Variants in SEMA5A observed in about 807,000 individuals in gnomAD.
SEMA5A encodes semaphorin 5A, also known as semaphorin-5A.
In SEMA5A, 55 loss-of-function variants were observed where a neutral mutation model predicts 135.5. That is an observed-to-expected ratio of 0.41 (90% CI 0.33 to 0.51). The LOEUF is 0.51. Ranked by LOEUF, SEMA5A falls within the 20% of genes least tolerant of loss-of-function variation. The pLI, the probability that SEMA5A is intolerant of heterozygous loss-of-function variation, is 0.37. For missense variants in SEMA5A, 1,290 were observed against 1,419.9 expected, an observed-to-expected ratio of 0.91 and a Z score of 1.47; for synonymous variants, 580 against 546.5, an observed-to-expected ratio of 1.06 and a Z score of -0.85.
intron 5 of SEMA5A, among the ~76,000 whole-genome samples, chr5:9,303,700 C>A (rs1026685217): frequency 6.6e-6 from 1 of 152,046 alleles, no homozygotes; most frequent in African/African-American, 2.4e-5. Context: ...ACAGAAGCAT[C>A]AATTTTATCC....
At position 9,170,007 on chromosome 5, in the gene SEMA5A, G is replaced by C. The variant is rs570971409; in HGVS notation, c.1274-15312C>G. ...ACTGATTTCCTTCACCCGAGGGAAA[G>C]TGTTACTTGCAGGGAATTATTTTCA... On this transcript the variant is annotated intron_variant, in intron 11 of 22. Transcript: ENST00000382496. Among the ~76,000 whole-genome samples the C allele has an allele frequency of 5.3e-5, 8 of 152,352 alleles. No homozygotes were observed. In the East Asian group the frequency reaches 1.5e-3, roughly 29 times the overall value.
intron 2 of SEMA5A, among the ~76,000 whole-genome samples, chr5:9,437,275 C>T (rs1758066557): frequency 6.6e-6 from 1 of 152,100 alleles, no homozygotes. Flanking sequence ...GGTATATGCC[C>T]ACAATTGTTT....
intron 21 of SEMA5A, among the ~76,000 whole-genome samples, chr5:9,050,013 T>C (rs1305376679): frequency 6.6e-6 from 1 of 152,184 alleles, no homozygotes; most frequent in East Asian, 1.9e-4. Context: ...ACTTTACTCA[T>C]GAAATTAACT....
chr5:9,111,755 G>A (rs1050248174), intron 15 of SEMA5A, among the ~76,000 whole-genome samples: 1 of 152,124 alleles, frequency 6.6e-6, no homozygotes, highest in Non-Finnish European at 1.5e-5. Context: ...CACCCTGGAA[G>A]AGACTGTTCA....
intron 16 of SEMA5A, among the ~76,000 whole-genome samples, chr5:9,094,482 T>A (rs1739213485): frequency 6.6e-6 from 1 of 152,200 alleles, no homozygotes. Flanking sequence ...ATAAACCAAT[T>A]AAATGAGCTT....
intron 12 of SEMA5A, among the ~76,000 whole-genome samples, chr5:9,147,853 T>C (rs1174724259): frequency 6.6e-6 from 1 of 152,206 alleles, no homozygotes; most frequent in African/African-American, 2.4e-5. Flanking sequence ...TTTCAAGGTA[T>C]GAAGTAAATT....
At chr5:9,491,572 AG>A (rs544997439) in intron 1 of SEMA5A, among the ~76,000 whole-genome samples, 9 of 152,304 alleles carry the variant, frequency 5.9e-5, no homozygotes, top group Admixed American at 5.9e-4. Flanking sequence ...AGTTTATAAC[AG>A]GCAATAAATA....
At chr5:9,176,889 G>T (rs996411060) in intron 11 of SEMA5A, among the ~76,000 whole-genome samples, 1 of 152,244 alleles carries the variant, frequency 6.6e-6, no homozygotes, top group Admixed American at 6.5e-5. Flanking sequence ...AGAATGCACA[G>T]ATGGGTGACC....
intron 5 of SEMA5A, among the ~76,000 whole-genome samples, chr5:9,263,924 C>G (rs1749541959): frequency 6.6e-6 from 1 of 152,222 alleles, no homozygotes; most frequent in South Asian, 2.1e-4. Context: ...TTCCCCTCAT[C>G]TCTCCCCATC....
At chr5:9,310,037 C>G (rs1579321059) in intron 5 of SEMA5A, among the ~76,000 whole-genome samples, 1 of 151,898 alleles carries the variant, frequency 6.6e-6, no homozygotes. Flanking sequence ...CATTGATAAA[C>G]TAAAAAAAAA....
intron 2 of SEMA5A, among the ~76,000 whole-genome samples, chr5:9,432,140 G>A (rs935357330): frequency 2.0e-5 from 3 of 152,194 alleles, no homozygotes; most frequent in Non-Finnish European, 2.9e-5. Flanking sequence ...TTTGGTAAGC[G>A]GAGTGAAATG....
At chr5:9,451,512 G>A (rs1184716808) in intron 1 of SEMA5A, among the ~76,000 whole-genome samples, 4 of 152,160 alleles carry the variant, frequency 2.6e-5, no homozygotes, top group Non-Finnish European at 5.9e-5. Context: ...TTGTAAAAGA[G>A]CCATAGTCAG....
intron 5 of SEMA5A, among the ~76,000 whole-genome samples, chr5:9,267,239 T>C (rs1159949133): frequency 2.0e-5 from 3 of 152,126 alleles, no homozygotes; most frequent in Admixed American, 6.5e-5. Context: ...CGCCACACTT[T>C]GCAGGCTTCT....
chr5:9,327,249 G>A (rs746172355), intron 4 of SEMA5A, among the ~76,000 whole-genome samples: 1 of 151,964 alleles, frequency 6.6e-6, no homozygotes, highest in Non-Finnish European at 1.5e-5. Flanking sequence ...CATGTGATTA[G>A]CTATCTCCTC....
intron 4 of SEMA5A, among the ~76,000 whole-genome samples, chr5:9,331,777 C>T (rs1044396519): frequency 2.0e-5 from 3 of 152,176 alleles, no homozygotes; most frequent in Non-Finnish European, 4.4e-5. Flanking sequence ...CTAAGTTTAT[C>T]GTTTAAGGGT....
chr5:9,373,522 T>C (rs949381713), intron 3 of SEMA5A, among the ~76,000 whole-genome samples: 2 of 152,130 alleles, frequency 1.3e-5, no homozygotes, highest in Non-Finnish European at 2.9e-5. Context: ...AAATCCTCTA[T>C]CACGAGTCCA....
chr5:9,305,275 T>C (rs1253005105), intron 5 of SEMA5A, among the ~76,000 whole-genome samples: 1 of 152,202 alleles, frequency 6.6e-6, no homozygotes, highest in African/African-American at 2.4e-5. Context: ...TTTATTTCTA[T>C]GATCATATAT....
At chr5:9,215,870 G>T (rs147917921) in intron 8 of SEMA5A, among the ~76,000 whole-genome samples, 2 of 151,446 alleles carry the variant, frequency 1.3e-5, no homozygotes, top group Admixed American at 1.3e-4. Context: ...TTTTGAATGA[G>T]TTTTTATGTC....
intron 13 of SEMA5A, 88 bp from the exon 14 acceptor site, chr5:9,122,925 T>A: frequency 2.6e-6 from 3 of 1,176,206 alleles, no homozygotes; most frequent in African/African-American, 3.2e-5. Flanking sequence ...CATAAGACAA[T>A]CAAAACTCCT....
Sources: gnomAD v4.1 joint callset for allele counts (sites outside exome capture counted in the v4.1 genomes callset) on GRCh38, gnomAD v4.1.1 for gene constraint, MANE v1.5 for transcripts, NCBI Gene and HGNC (gene_info 2026-07-23, HGNC 2026-07-21) for gene names.